GALNT13: variants seen among roughly 807,000 people sequenced by gnomAD.
The protein encoded by GALNT13 is polypeptide N-acetylgalactosaminyltransferase 13, also known as UDP-GalNAc:polypeptide N-acetylgalactosaminyltransferase 13.
In GALNT13, 28 loss-of-function variants were observed where a neutral mutation model predicts 64.2. That is an observed-to-expected ratio of 0.44 (90% CI 0.32 to 0.60). The LOEUF (loss-of-function observed/expected upper bound fraction) is 0.60. Among genes scored for constraint, GALNT13 ranks in the 20% least tolerant of loss-of-function variants. GALNT13 has a pLI of 0.05. For synonymous variants in GALNT13, 214 were observed against 224.6 expected (o/e 0.95, Z 0.42); for missense variants, 577 against 669.8 (o/e 0.86, Z 1.53).
chr2:154,292,495 C>T (rs946649613), intron 8 of GALNT13, among the ~76,000 whole-genome samples: 5 of 152,128 alleles, frequency 3.3e-5, no homozygotes, highest in African/African-American at 9.7e-5. Flanking sequence ...CCTTAATCCT[C>T]ATAACAATAT....
chr2:153,787,392 A>G, the GALNT13 span, among the ~76,000 whole-genome samples: 1 of 152,156 alleles, frequency 6.6e-6, no homozygotes, highest in Non-Finnish European at 1.5e-5. Flanking sequence ...GCAAATAAAG[A>G]CCCTGTACAA....
chr2:153,656,878 T>C, the GALNT13 span, among the ~76,000 whole-genome samples: 1 of 151,972 alleles, frequency 6.6e-6, no homozygotes, highest in Non-Finnish European at 1.5e-5. Flanking sequence ...GTTAAAGCGC[T>C]AAGGTGCAAG....
the GALNT13 span, among the ~76,000 whole-genome samples, chr2:153,803,734 AC>A: frequency 6.6e-6 from 1 of 151,058 alleles, no homozygotes; most frequent in African/African-American, 2.4e-5. Flanking sequence ...AAGGAAAGGA[AC>A]AGAGAGAGAT....
At chr2:153,562,452 CTTTA>C in the GALNT13 span, among the ~76,000 whole-genome samples, 1 of 152,058 alleles carries the variant, frequency 6.6e-6, no homozygotes, top group African/African-American at 2.4e-5. Flanking sequence ...TGTCTGTCTT[CTTTA>C]TTATTTTTGG....
chr2:154,184,861 A>C (rs974074873), intron 4 of GALNT13, among the ~76,000 whole-genome samples: 4 of 152,054 alleles, frequency 2.6e-5, no homozygotes, highest in Admixed American at 6.6e-5. Flanking sequence ...TTTAATCTTA[A>C]CTTTTATATT....
intron 3 of GALNT13, among the ~76,000 whole-genome samples, chr2:154,126,997 T>G (rs1682321013): frequency 6.6e-6 from 1 of 152,204 alleles, no homozygotes; most frequent in South Asian, 2.1e-4. Context: ...ATAAGCAATC[T>G]TAAAGGTCAT....
chr2:153,104,001 A>T, the GALNT13 span, among the ~76,000 whole-genome samples: 29 of 152,262 alleles, frequency 1.9e-4, no homozygotes, highest in African/African-American at 6.7e-4. Flanking sequence ...CCTTCTGAAG[A>T]GTAATCTTCT....
chr2:154,180,324 A>G (rs1040774118), intron 4 of GALNT13, among the ~76,000 whole-genome samples: 3 of 151,948 alleles, frequency 2.0e-5, no homozygotes, highest in African/African-American at 7.2e-5. Flanking sequence ...TTATTTTATT[A>G]TATTTACTTT....
At chr2:154,188,147 C>A (rs1185975495) in intron 4 of GALNT13, among the ~76,000 whole-genome samples, 1 of 151,942 alleles carries the variant, frequency 6.6e-6, no homozygotes, top group African/African-American at 2.4e-5. Context: ...TCTCTAGTAA[C>A]ATGACTCTTT....
At chr2:153,382,815 C>G in the GALNT13 span, among the ~76,000 whole-genome samples, 1 of 151,808 alleles carries the variant, frequency 6.6e-6, no homozygotes, top group Non-Finnish European at 1.5e-5. Context: ...ATGACAAAAT[C>G]CTGCATAACA....
chr2:153,240,709 G>T, the GALNT13 span, among the ~76,000 whole-genome samples: 2 of 152,272 alleles, frequency 1.3e-5, no homozygotes, highest in Middle Eastern at 3.4e-3. Context: ...CATTGTGTCT[G>T]TCTGTAGGCT....
intron 4 of GALNT13, among the ~76,000 whole-genome samples, chr2:154,228,374 T>C (rs1202818123): frequency 1.3e-5 from 2 of 152,164 alleles, no homozygotes; most frequent in Non-Finnish European, 2.9e-5. Flanking sequence ...TGCACTGTGA[T>C]CCATGAACTG....
chr2:153,410,810 T>C, the GALNT13 span, among the ~76,000 whole-genome samples: 1 of 151,888 alleles, frequency 6.6e-6, no homozygotes, highest in Non-Finnish European at 1.5e-5. Context: ...GCACTAGAGA[T>C]AGTCTGAATT....
chr2:153,943,718 C>G (rs1332678723), intron 2 of GALNT13, among the ~76,000 whole-genome samples: 1 of 152,186 alleles, frequency 6.6e-6, no homozygotes, highest in African/African-American at 2.4e-5. Context: ...TGGTCTCAAA[C>G]TCCTGACCTC....
At chr2:153,082,397 G>A in the GALNT13 span, among the ~76,000 whole-genome samples, 2 of 151,112 alleles carry the variant, frequency 1.3e-5, no homozygotes, top group African/African-American at 4.9e-5. Context: ...TGAAAGGGAG[G>A]ATGTATTTGG....
the GALNT13 span, among the ~76,000 whole-genome samples, chr2:153,676,268 A>C: frequency 2.6e-5 from 4 of 152,154 alleles, no homozygotes; most frequent in Non-Finnish European, 4.4e-5. Flanking sequence ...ATCTAGAATA[A>C]ATGTATATAT....
intron 3 of GALNT13, among the ~76,000 whole-genome samples, chr2:154,040,591 A>G (rs11898808): frequency 0.071 from 10,012 of 140,342 alleles, 1,426 homozygotes; most frequent in African/African-American, 0.17. Context: ...ATGAGAATGA[A>G]TAGGTAATAC....
chr2:154,041,303 A>G (rs1388073268), intron 3 of GALNT13, among the ~76,000 whole-genome samples: 3 of 140,810 alleles, frequency 2.1e-5, no homozygotes, highest in Non-Finnish European at 3.3e-5. Context: ...GTATTCCACA[A>G]TAACTGTGTT....
the GALNT13 span, among the ~76,000 whole-genome samples, chr2:153,553,298 C>T: frequency 3.3e-5 from 5 of 151,908 alleles, no homozygotes; most frequent in African/African-American, 2.4e-5. Context: ...TAGGAGTTTG[C>T]GACCAGCCTG....
Sources: allele counts gnomAD v4.1 joint callset (sites outside exome capture counted in the v4.1 genomes callset), GRCh38; gene constraint gnomAD v4.1.1; transcripts MANE v1.5; gene names NCBI Gene and HGNC (gene_info 2026-07-23, HGNC 2026-07-21).